The following CDYL2 variants were observed in gnomAD, a reference collection of about 807,000 sequenced individuals.
The protein encoded by CDYL2 is chromodomain Y like 2, also known as chromodomain Y-like protein 2.
A neutral mutation model predicts 49.4 loss-of-function variants in CDYL2; 23 were observed. The ratio of observed to expected loss-of-function variants is 0.47; its 90% CI spans 0.34 to 0.66. The LOEUF (loss-of-function observed/expected upper bound fraction) is 0.66, where lower values mean the gene tolerates loss of function less well. Ranked by LOEUF, CDYL2 falls within the 30% of genes least tolerant of loss-of-function variation. The pLI is 0.01. For synonymous variants in CDYL2, 360 were observed against 268.8 expected (o/e 1.34, Z -3.32); for missense variants, 678 against 656.4 (o/e 1.03, Z -0.36).
chr16:80,733,293 A>G (rs1473295123), intron 1 of CDYL2, among the ~76,000 whole-genome samples: 1 of 152,260 alleles, frequency 6.6e-6, no homozygotes. Flanking sequence ...CAAAGGGGCC[A>G]TAGTTGCAGC....
chr16:80,637,781 C>A (rs114981993), intron 2 of CDYL2, among the ~76,000 whole-genome samples: 3 of 152,148 alleles, frequency 2.0e-5, no homozygotes, highest in African/African-American at 7.2e-5. Flanking sequence ...AAACACAAGA[C>A]AAATGTTTGA....
At position 80,612,281 on chromosome 16, in the gene CDYL2, G is replaced by C. The variant is rs1906633876; in HGVS notation, c.1218+345C>G. Among the ~76,000 whole-genome samples, 1 of 152,198 alleles carries C rather than the reference G, an allele frequency of 6.6e-6. No individual in the cohort carries two copies. Among genetic ancestry groups the C allele is most frequent in the Non-Finnish European group, 1.5e-5 (1 of 68,038 alleles). ...GAGTGTGGGTGGCCCCTACACCTAT[G>C]CTGGACCACTCAAGAGGATGAAGGC... On this transcript the variant is annotated intron_variant, in intron 5 of 6. Transcript: ENST00000570137. The surrounding 1 kb of genome is among the most constrained non-coding windows in gnomAD (Gnocchi z 5.0).
chr16:80,640,109 C>T (rs991260721), intron 2 of CDYL2, among the ~76,000 whole-genome samples: 3 of 152,164 alleles, frequency 2.0e-5, no homozygotes, highest in Admixed American at 2.0e-4. Context: ...ACTCAGGGGG[C>T]ACACAATCCA....
intron 1 of CDYL2, among the ~76,000 whole-genome samples, chr16:80,760,748 T>C (rs1047303790): frequency 2.0e-5 from 3 of 151,722 alleles, no homozygotes; most frequent in African/African-American, 7.3e-5. Context: ...ACAGATCAAC[T>C]AACTACCAGA....
chr16:80,648,126 C>T (rs1464933730), intron 2 of CDYL2, among the ~76,000 whole-genome samples: 1 of 151,090 alleles, frequency 6.6e-6, no homozygotes. Context: ...GCAAACCAAA[C>T]CCAAAATTAG....
intron 1 of CDYL2, among the ~76,000 whole-genome samples, chr16:80,786,621 C>G (rs1272854228): frequency 1.3e-5 from 2 of 152,152 alleles, no homozygotes; most frequent in Non-Finnish European, 2.9e-5. Flanking sequence ...TGGGCATATA[C>G]CCAAAGGATT....
At chr16:80,731,689 A>C (rs948564564) in intron 1 of CDYL2, among the ~76,000 whole-genome samples, 8 of 152,196 alleles carry the variant, frequency 5.3e-5, no homozygotes, top group African/African-American at 1.7e-4. Context: ...ATCTTTCAAA[A>C]TCTTAACAAA....
chr16:80,708,541 T>A (rs1453594988), intron 1 of CDYL2, among the ~76,000 whole-genome samples: 1 of 152,176 alleles, frequency 6.6e-6, no homozygotes, highest in African/African-American at 2.4e-5. Context: ...AACGAATACA[T>A]CTTGGTACAG....
chr16:80,701,518 C>A (rs1302899652), intron 1 of CDYL2, among the ~76,000 whole-genome samples: 1 of 151,982 alleles, frequency 6.6e-6, no homozygotes, highest in African/African-American at 2.4e-5. Context: ...TGGAACATAT[C>A]ATGGGGAAAA....
chr16:80,695,224 T>G (rs1406448826), intron 1 of CDYL2, among the ~76,000 whole-genome samples: 15 of 152,232 alleles, frequency 9.9e-5, no homozygotes. Flanking sequence ...AGAAATGAGT[T>G]GTTGTCACAC....
intron 2 of CDYL2, among the ~76,000 whole-genome samples, chr16:80,653,917 A>G (rs1316076438): frequency 6.6e-6 from 1 of 152,172 alleles, no homozygotes; most frequent in African/African-American, 2.4e-5. Flanking sequence ...GGATCCAGAC[A>G]ACCCAAGAAT....
chr16:80,680,795 G>A (rs1406511286), intron 2 of CDYL2, among the ~76,000 whole-genome samples: 5 of 152,156 alleles, frequency 3.3e-5, no homozygotes, highest in African/African-American at 1.2e-4. Flanking sequence ...TGGAGCTCCT[G>A]TACACACCTG....
At chr16:80,637,400 T>G (rs1038516558) in intron 2 of CDYL2, among the ~76,000 whole-genome samples, 1 of 152,110 alleles carries the variant, frequency 6.6e-6, no homozygotes, top group Admixed American at 6.5e-5. Context: ...GTCCTAGCGA[T>G]TGCAAAAACA....
intron 2 of CDYL2, among the ~76,000 whole-genome samples, chr16:80,660,222 A>C (rs770271556): frequency 5.9e-5 from 9 of 152,142 alleles, no homozygotes; most frequent in Non-Finnish European, 1.0e-4. Flanking sequence ...AGAGGAAGAC[A>C]CGGGTAAAAA....
chr16:80,607,538 G>A (rs746232669), intron 6 of CDYL2, among the ~76,000 whole-genome samples: 57 of 152,164 alleles, frequency 3.7e-4, no homozygotes, highest in Non-Finnish European at 7.2e-4. Context: ...TTCCCCTGCC[G>A]CGCTCTGAGT....
At position 80,620,947 on chromosome 16, in the gene CDYL2, G is replaced by T. The variant is rs1234863247; in HGVS notation, c.835-12C>A. On this transcript the variant is annotated splice_polypyrimidine_tract_variant and intron_variant, in intron 3 of 6. Transcript: ENST00000570137. ...ACTTCTTTCATGATCTGCCGGCAGAGATGAATTTGCAGGGATGTTAAGTGT... is the reference window on the plus strand; with the variant it reads ...ACTTCTTTCATGATCTGCCGGCAGATATGAATTTGCAGGGATGTTAAGTGT... The T allele has an allele frequency of 1.9e-6, 3 of 1,583,702 alleles. No individual in the cohort carries two copies. The highest frequency in any genetic ancestry group is 1.7e-5 in the Admixed American group (1 of 57,222).
chr16:80,712,191 G>GTGTATATATATATA (rs1555532109), intron 1 of CDYL2, among the ~76,000 whole-genome samples: 4 of 107,934 alleles, frequency 3.7e-5, no homozygotes, highest in East Asian at 2.4e-4. Context: ...GTCTGTGTGT[G>GTGTATATATATATA]TATATATATA....
At chr16:80,677,155 A>G (rs1909783961) in intron 2 of CDYL2, among the ~76,000 whole-genome samples, 1 of 150,728 alleles carries the variant, frequency 6.6e-6, no homozygotes, top group African/African-American at 2.4e-5. Context: ...ATTTTTTTGG[A>G]GAGACAGGGT....
At chr16:80,637,017 T>C (rs57865804) in intron 2 of CDYL2, among the ~76,000 whole-genome samples, 9,044 of 151,852 alleles carry the variant, frequency 0.06, 834 homozygotes, top group African/African-American at 0.2. Context: ...AACACATGGA[T>C]ACAGGGAGAG....
Sources: gnomAD v4.1 joint callset for allele counts (sites outside exome capture counted in the v4.1 genomes callset) on GRCh38, gnomAD v4.1.1 for gene constraint, Gnocchi (gnomAD v3.1) non-coding constraint, MANE v1.5 for transcripts, NCBI Gene and HGNC (gene_info 2026-07-23, HGNC 2026-07-21) for gene names.